The following EVA1A variants were observed in gnomAD, a reference collection of about 807,000 sequenced individuals.
EVA1A encodes protein eva-1 homolog A.
EVA1A carries 7 observed loss-of-function variants against 9.8 expected under a neutral mutation model. The ratio of observed to expected loss-of-function variants is 0.71; its 90% CI spans 0.41 to 1.34. The LOEUF (loss-of-function observed/expected upper bound fraction) is 1.34, where lower values mean the gene tolerates loss of function less well. Ranked by LOEUF, EVA1A falls within the 40% of genes most tolerant of loss-of-function variation. The pLI, the probability that EVA1A is intolerant of heterozygous loss-of-function variation, is 0.01. For synonymous variants in EVA1A, 90 were observed against 85.6 expected (o/e 1.05, Z -0.28); for missense variants, 206 against 205.9 (o/e 1.00, Z 0.00).
intron 1 of EVA1A, among the ~76,000 whole-genome samples, chr2:75,548,685 T>C (rs757354942): frequency 2.0e-4 from 30 of 152,150 alleles, no homozygotes; most frequent in Admixed American, 6.5e-5. Flanking sequence ...CAGCATGTTG[T>C]AAAGAATGAA....
chr2:75,507,253 GT>G (rs1300611313), intron 3 of EVA1A, among the ~76,000 whole-genome samples: 1 of 152,190 alleles, frequency 6.6e-6, no homozygotes, highest in Non-Finnish European at 1.5e-5. Flanking sequence ...CAGGCCTGAA[GT>G]TTGCTTTCAT....
At chr2:75,497,939 A>T (rs1674272998) in intron 3 of EVA1A, among the ~76,000 whole-genome samples, 1 of 152,148 alleles carries the variant, frequency 6.6e-6, no homozygotes, top group Non-Finnish European at 1.5e-5. Context: ...AACTTAAAAA[A>T]GAACTATGAT....
chr2:75,540,231 A>G (rs139616454), intron 1 of EVA1A, among the ~76,000 whole-genome samples: 103 of 152,350 alleles, frequency 6.8e-4, no homozygotes, highest in African/African-American at 2.4e-3. Flanking sequence ...CAGGGCTTGT[A>G]AGATACCTGG....
At chr2:75,519,502 CAT>C (rs1440809993) in intron 2 of EVA1A, among the ~76,000 whole-genome samples, 1 of 152,212 alleles carries the variant, frequency 6.6e-6, no homozygotes, top group African/African-American at 2.4e-5. Context: ...AAGAAACAAC[CAT>C]AAAGTCCTTG....
intron 1 of EVA1A, among the ~76,000 whole-genome samples, chr2:75,528,738 C>T (rs1201645422): frequency 1.3e-5 from 2 of 152,078 alleles, no homozygotes; most frequent in African/African-American, 4.8e-5. Flanking sequence ...CTATAGCACC[C>T]CCCATTGCCT....
intron 1 of EVA1A, among the ~76,000 whole-genome samples, chr2:75,538,591 T>C (rs921740363): frequency 3.3e-5 from 5 of 152,214 alleles, no homozygotes; most frequent in African/African-American, 9.7e-5. Context: ...AAATAATTCA[T>C]ACATCCTTCG....
At chr2:75,533,585 G>A (rs959955832) in intron 1 of EVA1A, among the ~76,000 whole-genome samples, 1 of 152,198 alleles carries the variant, frequency 6.6e-6, no homozygotes, top group Admixed American at 6.5e-5. Flanking sequence ...TTCCTCATGA[G>A]TTTTCGTATT....
intron 3 of EVA1A, chr2:75,517,815 G>C (rs1226150173): frequency 1.4e-6 from 1 of 721,914 alleles, no homozygotes; most frequent in Non-Finnish European, 2.6e-6. Context: ...TCACTCACTT[G>C]AGCAGCTAAA....
At chr2:75,530,442 G>C (rs796448064) in intron 1 of EVA1A, among the ~76,000 whole-genome samples, 1 of 151,920 alleles carries the variant, frequency 6.6e-6, no homozygotes, top group African/African-American at 2.4e-5. Context: ...AGGAAAAGGC[G>C]TAACAAAATA....
At chr2:75,518,762 T>G (rs1010289514) in intron 2 of EVA1A, 4 of 986,280 alleles carry the variant, frequency 4.1e-6, no homozygotes, top group Non-Finnish European at 4.8e-6. Context: ...TCTCCTCTCC[T>G]GCTGTGCTTT....
chr2:75,496,020 C>A (rs746000582), intron 3 of EVA1A, among the ~76,000 whole-genome samples: 7 of 152,170 alleles, frequency 4.6e-5, no homozygotes, highest in Non-Finnish European at 7.3e-5. Flanking sequence ...AAGCCTATTC[C>A]CTTCTCATCA....
chr2:75,559,419 A>G (rs1676835360), intron 1 of EVA1A, among the ~76,000 whole-genome samples: 1 of 152,204 alleles, frequency 6.6e-6, no homozygotes, highest in African/African-American at 2.4e-5. Flanking sequence ...CCAGGATTCA[A>G]GCTGGTGGTC....
chr2:75,549,022 T>TA (rs1245422302), intron 1 of EVA1A, among the ~76,000 whole-genome samples: 4 of 140,618 alleles, frequency 2.8e-5, no homozygotes, highest in Non-Finnish European at 4.6e-5. Context: ...TTTTTTTTTT[T>TA]ACTAATAAAT....
chr2:75,563,419 G>A (rs897873297), upstream of EVA1A, among the ~76,000 whole-genome samples: 25 of 152,126 alleles, frequency 1.6e-4, no homozygotes, highest in African/African-American at 5.8e-4. Flanking sequence ...AGGACCTATG[G>A]GTTATGGCTG....
At position 75,566,031 on chromosome 2, in the gene EVA1A, G is replaced by C. The variant is rs184600386; in HGVS notation, c.-192+3445C>G. On this transcript the variant is annotated intron_variant, in intron 1 of 3. Transcript: ENST00000233712. Reference sequence around the variant, plus strand: ...TCTTTCTCCAGTTGTCTCACCTTTGGTATTACATTTCCTGGCAAAGTAATG... The same window carrying C: ...TCTTTCTCCAGTTGTCTCACCTTTGCTATTACATTTCCTGGCAAAGTAATG... Among the ~76,000 whole-genome samples the C allele has an allele frequency of 6.4e-3, 964 of 151,746 alleles. 10 individuals are homozygous for C. Among genetic ancestry groups the C allele is most frequent in the South Asian group, 0.03 (145 of 4,786 alleles).
At chr2:75,567,643 C>T (rs1382874323) in intron 1 of EVA1A, among the ~76,000 whole-genome samples, 1 of 152,220 alleles carries the variant, frequency 6.6e-6, no homozygotes, top group Admixed American at 6.5e-5. Flanking sequence ...TTAATCCATT[C>T]TTCCATTCAT....
At position 75,537,091 on chromosome 2, in the gene EVA1A, T is replaced by C. The variant is rs536040271; in HGVS notation, c.-191-14604A>G. 1.5e-4 allele frequency among the ~76,000 whole-genome samples: 23 copies of C among 152,302 alleles called. 1 individual carries two copies. Among genetic ancestry groups the C allele is most frequent in the Admixed American group, 1.3e-3 (20 of 15,302 alleles). On this transcript the variant is annotated intron_variant, in intron 1 of 3. Coordinates refer to ENST00000393913, the MANE Select transcript of EVA1A (RefSeq NM_001135032.2). Reference sequence around the variant, plus strand: ...TTAGCAAGTAGAATTCAGGAACGTATAAAAAGGATTTTTTTTCGTAATGAC... The same window carrying C: ...TTAGCAAGTAGAATTCAGGAACGTACAAAAAGGATTTTTTTTCGTAATGAC...
chr2:75,557,248 C>T (rs141920267), intron 1 of EVA1A, among the ~76,000 whole-genome samples: 25 of 152,290 alleles, frequency 1.6e-4, no homozygotes, highest in African/African-American at 5.1e-4. Context: ...CAAGTGGGCT[C>T]GGTTTTCAAA....
chr2:75,543,142 C>G (rs1396794243), intron 1 of EVA1A, among the ~76,000 whole-genome samples: 1 of 152,132 alleles, frequency 6.6e-6, no homozygotes, highest in Non-Finnish European at 1.5e-5. Flanking sequence ...ACGATACATG[C>G]GCTTGAATAA....
Sources: gnomAD v4.1 joint callset for allele counts (sites outside exome capture counted in the v4.1 genomes callset) on GRCh38, gnomAD v4.1.1 for gene constraint, MANE v1.5 for transcripts, NCBI Gene and HGNC (gene_info 2026-07-23, HGNC 2026-07-21) for gene names.